Variants in SCN3A observed in about 807,000 individuals in gnomAD.
The protein encoded by SCN3A is sodium channel protein type 3 subunit alpha.
SCN3A carries 60 observed loss-of-function variants against 187.6 expected under a neutral mutation model. The ratio of observed to expected loss-of-function variants is 0.32; its 90% CI spans 0.26 to 0.40. The LOEUF (loss-of-function observed/expected upper bound fraction) is 0.40, where lower values mean the gene tolerates loss of function less well. Ranked by LOEUF, SCN3A falls within the 10% of genes least tolerant of loss-of-function variation. The pLI is 1.00. For missense variants in SCN3A, 1,601 were observed against 2,428.2 expected, an observed-to-expected ratio of 0.66 and a Z score of 7.16; for synonymous variants, 788 against 829.2, an observed-to-expected ratio of 0.95 and a Z score of 0.85.
intron 9 of SCN3A, among the ~76,000 whole-genome samples, chr2:165,161,904 A>T (rs555116250): frequency 6.6e-6 from 1 of 152,176 alleles, no homozygotes; most frequent in Non-Finnish European, 1.5e-5. Context: ...CCTGAAGACC[A>T]CATTATAGTC....
intron 9 of SCN3A, among the ~76,000 whole-genome samples, chr2:165,161,018 G>C (rs1034714478): frequency 6.6e-6 from 1 of 151,996 alleles, no homozygotes; most frequent in Non-Finnish European, 1.5e-5. Flanking sequence ...GAATTCCTAG[G>C]CTCAAGCAAT....
intron 8 of SCN3A, 56 bp downstream of exon 8, chr2:165,162,500 T>C: frequency 6.3e-7 from 1 of 1,597,794 alleles, no homozygotes. Flanking sequence ...CTCAACTATT[T>C]ATAGTTGAAA....
intron 5 of SCN3A, among the ~76,000 whole-genome samples, chr2:165,167,264 C>T (rs542462164): frequency 6.6e-6 from 1 of 152,242 alleles, no homozygotes; most frequent in Admixed American, 6.5e-5. Flanking sequence ...TTTGTTAACT[C>T]CAAAATCATG....
At chr2:165,106,298 A>G (rs904716234) in intron 21 of SCN3A, among the ~76,000 whole-genome samples, 1 of 152,210 alleles carries the variant, frequency 6.6e-6, no homozygotes, top group African/African-American at 2.4e-5. Flanking sequence ...TAATTTGGCA[A>G]TTTAAAGATG....
intron 19 of SCN3A, among the ~76,000 whole-genome samples, chr2:165,115,124 G>C (rs1686298071): frequency 1.3e-5 from 2 of 152,040 alleles, no homozygotes; most frequent in Non-Finnish European, 2.9e-5. Context: ...CATAATCATG[G>C]CTCACTGTAG....
intron 18 of SCN3A, among the ~76,000 whole-genome samples, chr2:165,119,252 C>T (rs1686533238): frequency 6.6e-6 from 1 of 152,066 alleles, no homozygotes; most frequent in South Asian, 2.1e-4. Flanking sequence ...TTTTTTAATG[C>T]CCTAGGTCAC....
chr2:165,162,949 T>C, intron 7 of SCN3A, 121 bp from the exon 8 acceptor site: 2 of 1,169,000 alleles, frequency 1.7e-6, no homozygotes, highest in Admixed American at 3.5e-5. Context: ...ACCAAAGCTG[T>C]ATGGATAGCC....
intron 11 of SCN3A, among the ~76,000 whole-genome samples, chr2:165,147,277 T>TC (rs1258833456): frequency 1.1e-5 from 1 of 89,880 alleles, no homozygotes; most frequent in African/African-American, 3.5e-5. Context: ...TGGATTGTCT[T>TC]TTTTTTGGGG....
In SCN3A at chr2:165,164,381, A is replaced by G. The variant is rs779059856; in HGVS notation, c.602+11T>C. 2.5e-5 allele frequency: 40 copies of G among 1,613,510 alleles called. No individual in the cohort carries two copies. Among genetic ancestry groups the G allele is most frequent in the Middle Eastern group, 1.6e-4 (1 of 6,080 alleles). The stretch of plus-strand genomic sequence containing the variant: ...CTCCTTTGCGCTTATCAAATTTTCA[A>G]AGTTACTCACGCCATCACAATGACA... On this transcript the variant is annotated intron_variant, in intron 6 of 27. Coordinates refer to ENST00000283254, the MANE Select transcript of SCN3A (RefSeq NM_006922.4).
rs190415240 is a variant in SCN3A at position 165,123,521 on chromosome 2, A to C, written c.3393+4110T>G. 2.6e-4 allele frequency among the ~76,000 whole-genome samples: 39 copies of C among 152,254 alleles called. No homozygotes were observed. The Middle Eastern group carries it at 0.01, about 40-fold the overall frequency. On this transcript the variant is annotated intron_variant, in intron 18 of 27. Transcript: ENST00000283254. ...CATTTCATGCAAGTTTTTTAGTGAA[A>C]AATGTATAACTCTGGTGGGTTTAAC...
intron 18 of SCN3A, among the ~76,000 whole-genome samples, chr2:165,121,148 AC>A (rs1686656205): frequency 6.6e-6 from 1 of 151,922 alleles, no homozygotes; most frequent in African/African-American, 2.4e-5. Context: ...CTATTCACAC[AC>A]CCATCTGCTC....
At chr2:165,163,247 C>T (rs899861554) in intron 7 of SCN3A, among the ~76,000 whole-genome samples, 2 of 152,040 alleles carry the variant, frequency 1.3e-5, no homozygotes, top group African/African-American at 4.8e-5. Flanking sequence ...CATATACATG[C>T]TCTTCAACAA....
intron 11 of SCN3A, among the ~76,000 whole-genome samples, chr2:165,148,106 T>C (rs909642841): frequency 2.0e-5 from 3 of 150,810 alleles, no homozygotes; most frequent in African/African-American, 4.9e-5. Context: ...CATTGTATGC[T>C]CAGTGACTAG....
At chr2:165,155,971 T>A in intron 9 of SCN3A, 68 bp from the exon 10 acceptor site, 1 of 1,600,308 alleles carries the variant, frequency 6.2e-7, no homozygotes, top group Non-Finnish European at 8.6e-7. Flanking sequence ...ATTTGACTTA[T>A]AGGAATTTTC....
chr2:165,193,639 T>C (rs1477341119), intron 1 of SCN3A, among the ~76,000 whole-genome samples: 5 of 152,116 alleles, frequency 3.3e-5, no homozygotes, highest in African/African-American at 9.7e-5. Context: ...GTAATCAAAA[T>C]GACAGCCCAC....
At position 165,170,675 on chromosome 2, in the gene SCN3A, TATATC is replaced by T. The variant is rs574246693; in HGVS notation, c.265-132_265-128del. On this transcript the variant is annotated intron_variant, in intron 3 of 27. Coordinates refer to ENST00000283254, the MANE Select transcript of SCN3A (RefSeq NM_006922.4). ...AAACTTGTTTGTTTAAACCAGTTGATATATCATAACTACAAACATGTTAGATGTTT... is the reference window on the plus strand; with the variant it reads ...AAACTTGTTTGTTTAAACCAGTTGATATAACTACAAACATGTTAGATGTTT... 112 of 653,048 alleles carry T rather than the reference TATATC, an allele frequency of 1.7e-4. No individual in the cohort carries two copies. In the South Asian group the frequency reaches 1.7e-3, roughly 10 times the overall value. The allele number at this position is 653,048 out of a possible 1,614,324, so 40.5% of individuals were successfully genotyped here. A position where few individuals can be genotyped will look rare whatever the true frequency, so the allele number is the denominator to read the frequency against.
chr2:165,129,986 A>G lies in SCN3A; in HGVS notation c.2876T>C (p.Met959Thr). The G allele has an allele frequency of 6.2e-7, 1 of 1,614,172 alleles. No individual in the cohort carries two copies. The highest frequency in any genetic ancestry group is 8.5e-7 in the Non-Finnish European group (1 of 1,180,026). Residue 959 changes from methionine (M) to threonine (T), a missense_variant, in exon 17 of 28, where the codon ATG becomes ACG. Met to Thr is a moderately conservative substitution (Grantham distance 81). Transcript: ENST00000283254. ...WDCMEVAGQT[M>T]CLIVFMLVMV... ...GACCAACATGAAAACAATAAGGCAC[A>G]TGGTTTGGCCAGCGACCTCCATACA... is the stretch of plus-strand genomic sequence containing the variant.
In SCN3A at chr2:165,154,783, A is replaced by G. The variant is rs1032566269; in HGVS notation, c.1174-125T>C. The stretch of plus-strand genomic sequence containing the variant: ...TTTAGTATCCAGTTTATTTTCACCA[A>G]GAATTTTTTGGTATTGATATGCTCA... On this transcript the variant is annotated intron_variant, in intron 10 of 27. Transcript: ENST00000283254. The G allele has an allele frequency of 4.1e-6, 4 of 972,310 alleles. No homozygotes were observed. In the East Asian group the frequency reaches 7.9e-5, roughly 19 times the overall value. 60.2% of individuals were successfully genotyped at this position (972,310 alleles called of 1,614,324 possible).
intron 15 of SCN3A, among the ~76,000 whole-genome samples, chr2:165,137,651 A>G (rs1311822230): frequency 6.6e-6 from 1 of 152,142 alleles, no homozygotes; most frequent in East Asian, 1.9e-4. Context: ...TACAACTGGT[A>G]AGACACCATG....
Sources: allele counts gnomAD v4.1 joint callset (sites outside exome capture counted in the v4.1 genomes callset), GRCh38; gene constraint gnomAD v4.1.1; transcripts MANE v1.5; gene names NCBI Gene and HGNC (gene_info 2026-07-23, HGNC 2026-07-21).